The following DDX60L variants were observed in gnomAD, a reference collection of about 807,000 sequenced individuals.
DDX60L encodes the protein DExD/H-box 60 like.
Under a neutral mutation model 211.6 loss-of-function variants are expected in DDX60L, and 191 were observed. The ratio of observed to expected loss-of-function variants is 0.90; its 90% CI spans 0.80 to 1.02. The LOEUF (loss-of-function observed/expected upper bound fraction) is 1.02. Ranked by LOEUF, DDX60L falls within the 50% of genes least tolerant of loss-of-function variation. DDX60L has a pLI of 0.00. For synonymous variants in DDX60L, 706 were observed against 694.1 expected (o/e 1.02, Z -0.27); for missense variants, 2,007 against 1,984.1 (o/e 1.01, Z -0.22).
chr4:168,366,622 GA>G (rs35134300), intron 36 of DDX60L, among the ~76,000 whole-genome samples: 1 of 151,412 alleles, frequency 6.6e-6, no homozygotes, highest in African/African-American at 2.4e-5. Context: ...ACAAAAATAG[GA>G]AAAAAAATCC....
At chr4:168,362,225 C>T (rs1226970084) in intron 36 of DDX60L, among the ~76,000 whole-genome samples, 1 of 152,238 alleles carries the variant, frequency 6.6e-6, no homozygotes, top group Non-Finnish European at 1.5e-5. Flanking sequence ...CCTGGCCTGA[C>T]AGCCAGTTCA....
intron 22 of DDX60L, among the ~76,000 whole-genome samples, chr4:168,412,597 C>T (rs1163154560): frequency 6.6e-6 from 1 of 152,194 alleles, no homozygotes; most frequent in Non-Finnish European, 1.5e-5. Flanking sequence ...ATCCGGGGAA[C>T]CTGCCACCTT....
At chr4:168,390,851 C>T (rs1202592095) in intron 29 of DDX60L, among the ~76,000 whole-genome samples, 1 of 151,640 alleles carries the variant, frequency 6.6e-6, no homozygotes, top group East Asian at 1.9e-4. Context: ...TCTCTCTTTC[C>T]TCCCTCGCCT....
chr4:168,440,889 A>T (rs1298024326), intron 10 of DDX60L, among the ~76,000 whole-genome samples: 1 of 152,202 alleles, frequency 6.6e-6, no homozygotes, highest in East Asian at 1.9e-4. Context: ...AATGGTAAAT[A>T]CAACAGGCAG....
In DDX60L at chr4:168,415,736, A is replaced by G. The variant is rs750928352; in HGVS notation, c.2790T>C (p.Ile930=). 1 of 1,598,362 alleles carries G rather than the reference A, an allele frequency of 6.3e-7. No homozygotes were observed. The highest frequency in any genetic ancestry group is 1.1e-5 in the South Asian group (1 of 88,594). Residue 930 remains isoleucine, a synonymous_variant, in exon 21 of 38, where the codon ATT becomes ATC. Transcript: ENST00000682922. ...GACATTTGTCAGCCTGTTTTTCAGAAATACATTTCTCTTCCATAATCTTGT... is the reference window on the plus strand; with the variant it reads ...GACATTTGTCAGCCTGTTTTTCAGAGATACATTTCTCTTCCATAATCTTGT... ...QADKIMEEKC[I]SEKQADKCLN... is the part of the protein sequence containing the mutation.
intron 36 of DDX60L, among the ~76,000 whole-genome samples, chr4:168,361,853 G>A (rs548701742): frequency 5.9e-5 from 9 of 152,248 alleles, no homozygotes; most frequent in South Asian, 2.1e-4. Flanking sequence ...AAGTAGTTTC[G>A]TTGCCCCAGA....
At chr4:168,460,885 C>G (rs1757236213) in intron 5 of DDX60L, among the ~76,000 whole-genome samples, 1 of 152,164 alleles carries the variant, frequency 6.6e-6, no homozygotes, top group Admixed American at 6.5e-5. Context: ...TTCACCAGAA[C>G]TCAGGAAAAG....
Position 168,394,575 on chromosome 4 carries a change from C to A in DDX60L, c.3700G>T (p.Gly1234Cys). 1 of 1,613,242 alleles carries A rather than the reference C, an allele frequency of 6.2e-7. No homozygotes were observed. The highest frequency in any genetic ancestry group is 1.1e-5 in the South Asian group (1 of 90,952). Reference sequence around the variant, plus strand: ...TGTGCTAAAGCCTTCAGTTCTTTGCCGTGTCTTGTAAATCGCACTCGCGGT... The same window carrying A: ...TGTGCTAAAGCCTTCAGTTCTTTGCAGTGTCTTGTAAATCGCACTCGCGGT... ...VLPRVRFTRH[G>C]KELKALAQRG... is the part of the protein sequence containing the mutation. Residue 1234 changes from glycine to cysteine, a missense_variant, in exon 28 of 38, where the codon GGC (glycine) becomes TGC (cysteine). By Grantham distance (159) the Gly-to-Cys change is radical. Coordinates refer to ENST00000682922, the MANE Select transcript of DDX60L (RefSeq NM_001012967.3).
At chr4:168,411,179 C>T (rs1263747728) in intron 22 of DDX60L, among the ~76,000 whole-genome samples, 1 of 152,168 alleles carries the variant, frequency 6.6e-6, no homozygotes, top group Non-Finnish European at 1.5e-5. Flanking sequence ...CTAATAGAAG[C>T]CTCCTGTGAG....
At chr4:168,395,761 C>A in intron 27 of DDX60L, 198 bp downstream of exon 27, 2 of 483,890 alleles carry the variant, frequency 4.1e-6, no homozygotes, top group Non-Finnish European at 7.1e-6. Flanking sequence ...GACATTCACA[C>A]TGAGCAAGGA....
rs575104399 is a variant in DDX60L at position 168,441,452 on chromosome 4, A to G, written c.1179T>C (p.Tyr393=). 4.8e-5 allele frequency: 77 copies of G among 1,611,612 alleles called. 2 individuals carry two copies. In the South Asian group the frequency reaches 8.2e-4, roughly 17 times the overall value. Residue 393 remains tyrosine (Y), a synonymous_variant, in exon 10 of 38, where the codon TAT becomes TAC. Coordinates refer to ENST00000682922, the MANE Select transcript of DDX60L (RefSeq NM_001012967.3). ...LNLGDSIRRD[Y]EDLWNVVSHL... ...GTGACACAACATTCCACAGGTCTTC[A>G]TAATCCCTCCTAATGGAATCTCCCA...
chr4:168,417,799 A>G (rs1749820078), intron 19 of DDX60L, among the ~76,000 whole-genome samples: 1 of 152,144 alleles, frequency 6.6e-6, no homozygotes, highest in Admixed American at 6.5e-5. Context: ...GGAGGTCCAA[A>G]TTTTGGTCTT....
intron 9 of DDX60L, among the ~76,000 whole-genome samples, chr4:168,443,166 A>G (rs1280342200): frequency 6.6e-6 from 1 of 152,068 alleles, no homozygotes; most frequent in East Asian, 1.9e-4. Flanking sequence ...AATAACCAAT[A>G]CAGAGAAGTG....
intron 4 of DDX60L, chr4:168,470,823 A>G (rs1758660010): frequency 3.7e-6 from 1 of 269,134 alleles, no homozygotes; most frequent in Non-Finnish European, 7.4e-6. Flanking sequence ...CTGTGCAAAA[A>G]GAGCGAAACT....
At position 168,400,955 on chromosome 4, in the gene DDX60L, T is replaced by G. The variant is rs1579393715; in HGVS notation, c.3362A>C (p.Lys1121Thr). 1.2e-6 allele frequency: 2 copies of G among 1,613,838 alleles called. No individual in the cohort carries two copies. Among genetic ancestry groups the G allele is most frequent in the East Asian group, 4.5e-5 (2 of 44,872 alleles). Reference sequence around the variant, plus strand: ...AAAAGTGCACACACTTCCAGCTCTTTTTCCCACATCATCATTCTTAAACCT... The same window carrying G: ...AAAAGTGCACACACTTCCAGCTCTTGTTCCCACATCATCATTCTTAAACCT... ...FFLFKNDDVGKRAGSVCTFLE... is the reference protein window; with the variant it reads ...FFLFKNDDVGTRAGSVCTFLE... Residue 1121 changes from lysine to threonine, a missense_variant, in exon 26 of 38, where the codon AAA becomes ACA. Lys to Thr is a moderately conservative substitution (Grantham distance 78, BLOSUM62 -1). Transcript: ENST00000682922.
At chr4:168,412,094 C>G (rs11938927) in intron 22 of DDX60L, among the ~76,000 whole-genome samples, 118,590 of 151,716 alleles carry the variant, frequency 0.78, 46,569 homozygotes, top group East Asian at 0.86. Context: ...CTAGGTAGTA[C>G]GTGGCCGTGT....
chr4:168,464,728 TCTAA>T (rs1263033194), intron 4 of DDX60L, among the ~76,000 whole-genome samples: 5 of 152,136 alleles, frequency 3.3e-5, no homozygotes, highest in Non-Finnish European at 5.9e-5. Context: ...AATCTGCTCT[TCTAA>T]CTATGTGAAA....
chr4:168,429,152 T>G (rs1411614884), intron 13 of DDX60L, among the ~76,000 whole-genome samples: 1 of 152,126 alleles, frequency 6.6e-6, no homozygotes, highest in Non-Finnish European at 1.5e-5. Context: ...AAATTCCTTT[T>G]CTTTTTTTTT....
At chr4:168,399,943 T>G (rs1746501001) in intron 26 of DDX60L, among the ~76,000 whole-genome samples, 1 of 152,224 alleles carries the variant, frequency 6.6e-6, no homozygotes. Flanking sequence ...TTGTACAGAT[T>G]ATTTCATAAC....
Sources: allele counts gnomAD v4.1 joint callset (sites outside exome capture counted in the v4.1 genomes callset), GRCh38; gene constraint gnomAD v4.1.1; transcripts MANE v1.5; gene names NCBI Gene and HGNC (gene_info 2026-07-23, HGNC 2026-07-21).